The following FAAH2 variants were observed in gnomAD, a reference collection of about 807,000 sequenced individuals.
FAAH2 encodes the protein fatty-acid amide hydrolase 2.
A neutral mutation model predicts 36.9 loss-of-function variants in FAAH2; 60 were observed. The ratio of observed to expected loss-of-function variants is 1.63; its 90% CI spans 1.32 to 2.02. The LOEUF is 2.02. Among genes scored for constraint, FAAH2 ranks in the 30% most tolerant of loss-of-function variants. FAAH2 has a pLI of 0.00. For missense variants in FAAH2, 689 were observed against 397.5 expected (o/e 1.73, Z -6.23); for synonymous variants, 214 against 143.8 (o/e 1.49, Z -3.49).
intron 3 of FAAH2, among the ~76,000 whole-genome samples, chrX:57,320,671 A>G (rs1171103275): frequency 8.9e-6 from 1 of 112,791 alleles, no homozygotes; most frequent in Non-Finnish European, 1.9e-5. Flanking sequence ...ATTACTGGGT[A>G]TACACCCAAA....
At chrX:57,393,498 T>G (rs1308472951) in intron 7 of FAAH2, 2 of 966,934 alleles carry the variant, frequency 2.1e-6, no homozygotes, top group East Asian at 6.1e-5. Context: ...CGGTCTGCAA[T>G]GATAGAGGAA....
chrX:57,184,892 A>G, the FAAH2 span, among the ~76,000 whole-genome samples: 4 of 111,921 alleles, frequency 3.6e-5, no homozygotes, highest in Admixed American at 9.4e-5. Flanking sequence ...GTGCTGGAAC[A>G]TGGAAATCTG....
chrX:57,330,167 G>A (rs765778325), intron 3 of FAAH2, among the ~76,000 whole-genome samples: 34 of 111,948 alleles, frequency 3.0e-4, no homozygotes, highest in African/African-American at 9.8e-4. Context: ...CCGGTGAGCC[G>A]GGTGGAACAG....
chrX:57,390,570 T>A (rs1207710569), intron 7 of FAAH2, among the ~76,000 whole-genome samples: 1 of 111,442 alleles, frequency 9.0e-6, no homozygotes. Context: ...TTTCCACTTA[T>A]AAGTGAGAAA....
At chrX:57,261,073 A>G in the FAAH2 span, among the ~76,000 whole-genome samples, 1 of 111,889 alleles carries the variant, frequency 8.9e-6, no homozygotes, top group Non-Finnish European at 1.9e-5. Context: ...TTGTTTATAC[A>G]AAGACTTGTA....
At position 57,328,382 on chromosome X, in the gene FAAH2, A is replaced by G. The variant is rs1285952755; in HGVS notation, c.413-3216A>G. 6.3e-5 allele frequency among the ~76,000 whole-genome samples: 7 copies of G among 111,182 alleles called. No homozygotes were observed. The Admixed American group carries it at 6.7e-4, about 11-fold the overall frequency. ...CTTGTTATTTTTTCATGAAATTTTT[A>G]TAGTATGTTTTTCTGCTCTATCAGG... On this transcript the variant is annotated intron_variant, in intron 3 of 10. Transcript: ENST00000374900.
intron 3 of FAAH2, among the ~76,000 whole-genome samples, chrX:57,330,384 G>T (rs1286157073): frequency 9.0e-6 from 1 of 111,428 alleles, no homozygotes; most frequent in Non-Finnish European, 1.9e-5. Context: ...ATTAGGAAAA[G>T]GAAATTCCTG....
Position 57,432,216 on chromosome X carries a change from C to T in FAAH2, c.1116+179C>T, listed in dbSNP as rs772337676. 1.2e-3 allele frequency among the ~76,000 whole-genome samples: 139 copies of T among 111,394 alleles called. 3 individuals carry two copies. Among genetic ancestry groups the T allele is most frequent in the Non-Finnish European group, 2.3e-3 (122 of 52,965 alleles). ...TGCCTATACGGAATAGGCATATATGCTATTCACAGAGAGTGTGCCCATTCC... is the reference window on the plus strand; with the variant it reads ...TGCCTATACGGAATAGGCATATATGTTATTCACAGAGAGTGTGCCCATTCC... On this transcript the variant is annotated intron_variant, in intron 8 of 10. Coordinates refer to ENST00000374900, the MANE Select transcript of FAAH2 (RefSeq NM_174912.4).
intron 3 of FAAH2, among the ~76,000 whole-genome samples, chrX:57,330,309 C>T (rs1374863811): frequency 1.8e-5 from 2 of 111,091 alleles, no homozygotes; most frequent in African/African-American, 3.3e-5. Flanking sequence ...TGGGTGTGGC[C>T]GTCTTCTGTG....
chrX:57,448,495 T>C (rs771380639), intron 9 of FAAH2, 29 bp from the exon 10 acceptor site: 8 of 1,166,887 alleles, frequency 6.9e-6, no homozygotes, highest in Non-Finnish European at 9.2e-6. Flanking sequence ...GTTTATTACC[T>C]TAACTTGATA....
intron 2 of FAAH2, among the ~76,000 whole-genome samples, chrX:57,310,190 CT>C (rs2052652876): frequency 1.8e-5 from 2 of 111,955 alleles, no homozygotes; most frequent in Admixed American, 9.5e-5. Flanking sequence ...TGATGTTGAG[CT>C]TTTTTTCATG....
At chrX:57,284,017 C>T (rs781298021), upstream of FAAH2, among the ~76,000 whole-genome samples, 19 of 111,621 alleles carry the variant, frequency 1.7e-4, 1 homozygote, top group South Asian at 6.1e-3. Context: ...TGTGGGTTCG[C>T]GTCAGTCCCC....
At chrX:57,285,090 T>A (rs746929381), upstream of FAAH2, among the ~76,000 whole-genome samples, 7 of 112,547 alleles carry the variant, frequency 6.2e-5, no homozygotes, top group Non-Finnish European at 1.1e-4. Context: ...TGCTCAGAAC[T>A]GTAATGGAGC....
chrX:57,401,273 C>T (rs1209992073), intron 7 of FAAH2, among the ~76,000 whole-genome samples: 2 of 111,632 alleles, frequency 1.8e-5, no homozygotes, highest in African/African-American at 6.5e-5. Context: ...GGGCTAGTGC[C>T]TGGCCAAATA....
At chrX:57,329,506 A>G (rs1338262785) in intron 3 of FAAH2, among the ~76,000 whole-genome samples, 3 of 109,827 alleles carry the variant, frequency 2.7e-5, no homozygotes, top group African/African-American at 1.0e-4. Context: ...CTGCTTGCCA[A>G]TGATCTGACA....
At chrX:57,444,639 G>A (rs1334298193) in intron 8 of FAAH2, among the ~76,000 whole-genome samples, 2 of 111,271 alleles carry the variant, frequency 1.8e-5, no homozygotes, top group Admixed American at 9.6e-5. Context: ...TACCTCGGTT[G>A]GAAATGCAAA....
At chrX:57,204,695 G>A in the FAAH2 span, among the ~76,000 whole-genome samples, 1 of 112,345 alleles carries the variant, frequency 8.9e-6, no homozygotes, top group Admixed American at 9.4e-5. Context: ...GGTTTCTGTA[G>A]ATGCTGTTCA....
intron 3 of FAAH2, 147 bp from the exon 4 acceptor site, chrX:57,331,451 C>T (rs1304399192): frequency 2.2e-6 from 1 of 459,793 alleles, no homozygotes; most frequent in Non-Finnish European, 3.7e-6. Context: ...TGAAGATCTG[C>T]TAGCAGTGTG....
intron 7 of FAAH2, among the ~76,000 whole-genome samples, chrX:57,423,343 G>T (rs1187251146): frequency 8.9e-6 from 1 of 111,751 alleles, no homozygotes; most frequent in Non-Finnish European, 1.9e-5. Context: ...GGCATGAGCT[G>T]CAGGTGCAGA....
Sources: gnomAD v4.1 joint callset for allele counts (sites outside exome capture counted in the v4.1 genomes callset) on GRCh38, gnomAD v4.1.1 for gene constraint, MANE v1.5 for transcripts, NCBI Gene and HGNC (gene_info 2026-07-23, HGNC 2026-07-21) for gene names.